The following DLGAP1 variants were observed in gnomAD, a reference collection of about 807,000 sequenced individuals.
DLGAP1 encodes the protein disks large-associated protein 1.
Under a neutral mutation model 90.8 loss-of-function variants are expected in DLGAP1, and 11 were observed. The observed-to-expected ratio is 0.12, with a 90% CI of 0.08 to 0.20. DLGAP1 has a LOEUF of 0.20. Among genes scored for constraint, DLGAP1 ranks in the 10% least tolerant of loss-of-function variants. The pLI is 1.00. For synonymous variants in DLGAP1, 558 were observed against 540.7 expected, an observed-to-expected ratio of 1.03 and a Z score of -0.44; for missense variants, 1,050 against 1,333.8, an observed-to-expected ratio of 0.79 and a Z score of 3.31.
chr18:3,674,980 C>G (rs2060247232), intron 7 of DLGAP1, among the ~76,000 whole-genome samples: 1 of 146,372 alleles, frequency 6.8e-6, no homozygotes, highest in Non-Finnish European at 1.5e-5. Flanking sequence ...AATCATCACC[C>G]CCATTCACCT....
At chr18:3,841,835 C>T (rs1169029897) in intron 4 of DLGAP1, among the ~76,000 whole-genome samples, 1 of 152,136 alleles carries the variant, frequency 6.6e-6, no homozygotes. Context: ...CACTCTGTGC[C>T]AGGCATGGTG....
chr18:3,694,828 G>C (rs1462556049), intron 7 of DLGAP1, among the ~76,000 whole-genome samples: 1 of 151,954 alleles, frequency 6.6e-6, no homozygotes, highest in Non-Finnish European at 1.5e-5. Flanking sequence ...CATTCTGTAG[G>C]TTGTCTGCTC....
At chr18:3,901,378 T>A (rs1599135848) in intron 3 of DLGAP1, among the ~76,000 whole-genome samples, 1 of 152,184 alleles carries the variant, frequency 6.6e-6, no homozygotes, top group East Asian at 1.9e-4. Context: ...TCTCCCACTG[T>A]GGGGTGACCA....
At chr18:4,164,382 C>G (rs913068172) in intron 1 of DLGAP1, among the ~76,000 whole-genome samples, 2 of 152,112 alleles carry the variant, frequency 1.3e-5, no homozygotes, top group Admixed American at 1.3e-4. Flanking sequence ...ACTGTTTAAA[C>G]GATCAGACAC....
chr18:4,282,975 C>T (rs1275167343), intron 1 of DLGAP1, among the ~76,000 whole-genome samples: 3 of 152,174 alleles, frequency 2.0e-5, no homozygotes, highest in African/African-American at 4.8e-5. Context: ...AAAGTGTCAA[C>T]TTTAGCCACT....
chr18:3,989,948 A>G (rs1290987149), intron 3 of DLGAP1, among the ~76,000 whole-genome samples: 1 of 151,970 alleles, frequency 6.6e-6, no homozygotes, highest in Non-Finnish European at 1.5e-5. Context: ...ATCTCACAAC[A>G]GTTAGAATGG....
intron 2 of DLGAP1, among the ~76,000 whole-genome samples, chr18:4,066,060 A>G (rs1243183972): frequency 6.6e-6 from 1 of 152,140 alleles, no homozygotes; most frequent in Non-Finnish European, 1.5e-5. Context: ...AAAACAGGCA[A>G]TGGGGAAAGG....
At chr18:4,411,687 A>C (rs1188970478) in intron 1 of DLGAP1, among the ~76,000 whole-genome samples, 1 of 152,152 alleles carries the variant, frequency 6.6e-6, no homozygotes, top group African/African-American at 2.4e-5. Flanking sequence ...ATTCTGCAAC[A>C]ACCAATATGG....
chr18:3,737,560 A>G (rs2062702795), intron 6 of DLGAP1, among the ~76,000 whole-genome samples: 2 of 151,538 alleles, frequency 1.3e-5, no homozygotes, highest in South Asian at 4.2e-4. Flanking sequence ...AAGGCCTTTG[A>G]CAAAATTCAA....
At chr18:3,884,102 T>C (rs1281400918) in intron 3 of DLGAP1, among the ~76,000 whole-genome samples, 2 of 152,158 alleles carry the variant, frequency 1.3e-5, no homozygotes, top group Non-Finnish European at 2.9e-5. Flanking sequence ...ACAGAAAACC[T>C]TGGGATTGCT....
At chr18:3,647,377 C>T (rs7407918) in intron 7 of DLGAP1, among the ~76,000 whole-genome samples, 28,611 of 151,468 alleles carry the variant, frequency 0.19, 2,842 homozygotes, top group African/African-American at 0.2. Flanking sequence ...AAAACGATAA[C>T]AAAACTATAA....
intron 3 of DLGAP1, chr18:3,891,926 A>G (rs1222442735): frequency 1.3e-5 from 2 of 151,896 alleles, no homozygotes; most frequent in African/African-American, 2.4e-5. Flanking sequence ...TTTTTTGTAG[A>G]GATGGGGGGT....
chr18:4,053,706 C>T (rs2075170802), intron 2 of DLGAP1, among the ~76,000 whole-genome samples: 1 of 152,132 alleles, frequency 6.6e-6, no homozygotes, highest in South Asian at 2.1e-4. Flanking sequence ...GTACAGCCTG[C>T]AGAACCGTGA....
chr18:3,977,239 T>G (rs962831214), intron 3 of DLGAP1, among the ~76,000 whole-genome samples: 9 of 151,976 alleles, frequency 5.9e-5, no homozygotes, highest in Admixed American at 2.0e-4. Flanking sequence ...TCCCAGCTAA[T>G]TTTTGTATTT....
At chr18:4,082,360 A>AAAAAT in intron 2 of DLGAP1, among the ~76,000 whole-genome samples, 1 of 147,672 alleles carries the variant, frequency 6.8e-6, no homozygotes, top group South Asian at 2.2e-4. Flanking sequence ...AAAAAAAAAA[A>AAAAAT]ATTTGCCAGA....
chr18:4,337,964 T>G (rs888071700), intron 1 of DLGAP1, among the ~76,000 whole-genome samples: 3 of 152,208 alleles, frequency 2.0e-5, no homozygotes, highest in Non-Finnish European at 4.4e-5. Context: ...TTTTAAAAAA[T>G]TATCAGTGGC....
At chr18:4,430,538 G>GTGTGTGTC (rs1366623616) in intron 1 of DLGAP1, 1 of 151,912 alleles carries the variant, frequency 6.6e-6, no homozygotes, top group African/African-American at 2.5e-5. Flanking sequence ...GTGTGTGTGT[G>GTGTGTGTC]TGTCTGTGAT....
intron 5 of DLGAP1, among the ~76,000 whole-genome samples, 154 bp from the exon 6 acceptor site, chr18:3,742,666 CAGAA>C (rs1395078496): frequency 9.2e-5 from 14 of 152,186 alleles, no homozygotes; most frequent in African/African-American, 3.4e-4. Flanking sequence ...CACAGTGTCT[CAGAA>C]GGAAGAGCTT....
At chr18:4,312,936 C>A (rs117165138) in intron 1 of DLGAP1, among the ~76,000 whole-genome samples, 1 of 152,128 alleles carries the variant, frequency 6.6e-6, no homozygotes, top group African/African-American at 2.4e-5. Context: ...TGCAAACATG[C>A]GTGCCAGGAC....
Sources: allele counts gnomAD v4.1 joint callset (sites outside exome capture counted in the v4.1 genomes callset), GRCh38; gene constraint gnomAD v4.1.1; transcripts MANE v1.5; gene names NCBI Gene and HGNC (gene_info 2026-07-23, HGNC 2026-07-21).